Variants in MOS observed in about 807,000 individuals in gnomAD.
MOS encodes proto-oncogene serine/threonine-protein kinase mos.
For synonymous variants in MOS, 190 were observed against 205.2 expected (o/e 0.93, Z 0.63); for missense variants, 419 against 459.6 (o/e 0.91, Z 0.81).
chr8:56,113,639 T>C lies in MOS; in HGVS notation c.344A>G (p.Asp115Gly). ...GGCAGCCACCACGCGCACGATGTTA[T>C]CGTGGCGCAGCCTTGCTACGTTGAG... ...AELNVARLRH[D>G]NIVRVVAAST... Residue 115 changes from aspartate (D) to glycine (G), a missense_variant, in exon 1 of 1, where the codon GAT becomes GGT. Transcript: ENST00000311923. The surrounding 1 kb of genome is among the most constrained non-coding windows in gnomAD (Gnocchi z 5.7). 1 of 1,613,162 alleles carries C rather than the reference T, an allele frequency of 6.2e-7. No homozygotes were observed. The highest frequency in any genetic ancestry group is 8.5e-7 in the Non-Finnish European group (1 of 1,179,590).
In MOS at chr8:56,113,249, T is replaced by C. The variant is rs1337476030; in HGVS notation, c.734A>G (p.His245Arg). 2 of 1,613,666 alleles carry C rather than the reference T, an allele frequency of 1.2e-6. No individual in the cohort carries two copies. Among genetic ancestry groups the C allele is most frequent in the South Asian group, 2.2e-5 (2 of 91,082 alleles). ...TCCTTTCAGGAGCTCCGGGGCGCGGTGGGTGTATGTGCCTCCTAGAGGGTA... is the reference window on the plus strand; with the variant it reads ...TCCTTTCAGGAGCTCCGGGGCGCGGCGGGTGTATGTGCCTCCTAGAGGGTA... Reference protein sequence around the residue: ...PSYPLGGTYTHRAPELLKGEG... With the variant: ...PSYPLGGTYTRRAPELLKGEG... The change falls in exon 1 of 1, where the codon CAC (histidine) becomes CGC (arginine). Residue 245 changes from histidine (H) to arginine (R), a missense_variant. Coordinates refer to ENST00000311923, the MANE Select transcript of MOS (RefSeq NM_005372.1). The surrounding 1 kb of genome is among the most constrained non-coding windows in gnomAD (Gnocchi z 5.7).
Position 56,113,438 on chromosome 8 carries a change from G to A in MOS, c.545C>T (p.Ser182Leu). 2.5e-6 allele frequency: 4 copies of A among 1,614,102 alleles called. No homozygotes were observed. Among genetic ancestry groups the A allele is most frequent in the South Asian group, 1.1e-5 (1 of 91,078 alleles). Residue 182 changes from serine (S) to leucine (L), a missense_variant, in exon 1 of 1, where the codon TCA (serine) becomes TTA (leucine). Transcript: ENST00000311923. The surrounding 1 kb of genome is among the most constrained non-coding windows in gnomAD (Gnocchi z 5.7). Reference sequence around the variant, plus strand: ...GAGCAGGCCGTTCACAACATCTAGTGAGTACTTGAGACACTTTCCCAAACT... The same window carrying A: ...GAGCAGGCCGTTCACAACATCTAGTAAGTACTTGAGACACTTTCCCAAACT... Reference protein sequence around the residue: ...QLSLGKCLKYSLDVVNGLLFL... With the variant: ...QLSLGKCLKYLLDVVNGLLFL...
chr8:56,113,208 T>C lies in MOS; in HGVS notation c.775A>G (p.Lys259Glu). Reference sequence around the variant, plus strand: ...ATGGCAAAGGAATAAATGTCGGCTTTAGGCGTCACGCCCTCTCCTTTCAGG... The same window carrying C: ...ATGGCAAAGGAATAAATGTCGGCTTCAGGCGTCACGCCCTCTCCTTTCAGG... ...ELLKGEGVTP[K>E]ADIYSFAITL... Residue 259 changes from lysine to glutamate, a missense_variant, in exon 1 of 1, where the codon AAA becomes GAA. Physicochemically the swap from Lys to Glu is moderately conservative, Grantham distance 56. Transcript: ENST00000311923. This position sits in a 1 kb window ranked among gnomAD's most constrained non-coding sequence, Gnocchi z 5.7. 2 of 1,613,966 alleles carry C rather than the reference T, an allele frequency of 1.2e-6. No homozygotes were observed. The highest frequency in any genetic ancestry group is 1.7e-6 in the Non-Finnish European group (2 of 1,180,036).
rs1444910904 is a variant in MOS at position 56,113,853 on chromosome 8, G to A, written c.130C>T (p.Pro44Ser). The A allele has an allele frequency of 3.1e-6, 5 of 1,608,932 alleles. No individual in the cohort carries two copies. Among genetic ancestry groups the A allele is most frequent in the Non-Finnish European group, 4.2e-6 (5 of 1,178,890 alleles). ...CAGGCCAGCCGGCGCGGCAGCCGCG[G>A]GGCCCGAGGAAGAGTGGCCCCCAGA... is the stretch of plus-strand genomic sequence containing the variant. ...LLLGATLPRA[P>S]RLPRRLAWCS... The change falls in exon 1 of 1, where the codon CCG becomes TCG. Residue 44 changes from proline (P) to serine (S), a missense_variant. Coordinates refer to ENST00000311923, the MANE Select transcript of MOS (RefSeq NM_005372.1). The surrounding 1 kb of genome is among the most constrained non-coding windows in gnomAD (Gnocchi z 5.7).
Position 56,113,829 on chromosome 8 carries a change from A to G in MOS, c.154T>C (p.Trp52Arg). ...RAPRLPRRLA[W>R]CSIDWEQVCL... ...ACCTGCTCCCAGTCAATGGAGCACC[A>G]GGCCAGCCGGCGCGGCAGCCGCGGG... The change falls in exon 1 of 1, where the codon TGG becomes CGG. Residue 52 changes from tryptophan to arginine, a missense_variant. Physicochemically the swap from Trp to Arg is moderately radical, Grantham distance 101 (BLOSUM62 -3). Coordinates refer to ENST00000311923, the MANE Select transcript of MOS (RefSeq NM_005372.1). The surrounding 1 kb of genome is among the most constrained non-coding windows in gnomAD (Gnocchi z 5.7). 2 of 1,610,614 alleles carry G rather than the reference A, an allele frequency of 1.2e-6. No individual in the cohort carries two copies. Among genetic ancestry groups the G allele is most frequent in the Non-Finnish European group, 1.7e-6 (2 of 1,179,248 alleles).
Position 56,113,648 on chromosome 8 carries a change from A to G in MOS, c.335T>C (p.Leu112Pro), listed in dbSNP as rs1044569526. The G allele has an allele frequency of 1.3e-6, 2 of 1,589,364 alleles. No homozygotes were observed. The highest frequency in any genetic ancestry group is 1.7e-6 in the Non-Finnish European group (2 of 1,167,070). Reference sequence around the variant, plus strand: ...CACGCGCACGATGTTATCGTGGCGCAGCCTTGCTACGTTGAGCTCAGCCCA... The same window carrying G: ...CACGCGCACGATGTTATCGTGGCGCGGCCTTGCTACGTTGAGCTCAGCCCA... ...SFWAELNVAR[L>P]RHDNIVRVVA... is the part of the protein sequence containing the mutation. The change falls in exon 1 of 1, where the codon CTG (leucine) becomes CCG (proline). Residue 112 changes from leucine (L) to proline (P), a missense_variant. Transcript: ENST00000311923. This position sits in a 1 kb window ranked among gnomAD's most constrained non-coding sequence, Gnocchi z 5.7.
chr8:56,113,529 A>G lies in MOS; in HGVS notation c.454T>C (p.Tyr152His), dbSNP rs142291866. ...CCCTCAGGGTGGCCGGCGGCGCCAT[A>G]GATGACTTGGTGTAAAGTGACGTTG... ...GGNVTLHQVI[Y>H]GAAGHPEGDA... Residue 152 changes from tyrosine (Y) to histidine (H), a missense_variant, in exon 1 of 1, where the codon TAT becomes CAT. Tyr to His is a moderately conservative substitution (Grantham distance 83, BLOSUM62 2). Transcript: ENST00000311923. The surrounding 1 kb of genome is among the most constrained non-coding windows in gnomAD (Gnocchi z 5.7). 1.2e-6 allele frequency: 2 copies of G among 1,613,854 alleles called. No individual in the cohort carries two copies. The highest frequency in any genetic ancestry group is 2.7e-5 in the African/African-American group (2 of 74,900).
In MOS at chr8:56,113,524, G is replaced by T. The variant is rs757717531; in HGVS notation, c.459C>A (p.Gly153=). The T allele has an allele frequency of 1.2e-6, 2 of 1,613,956 alleles. No homozygotes were observed. The highest frequency in any genetic ancestry group is 2.2e-5 in the East Asian group (1 of 44,842). The change falls in exon 1 of 1, where the codon GGC becomes GGA. Residue 153 remains glycine (G), a synonymous_variant. Transcript: ENST00000311923. The surrounding 1 kb of genome is among the most constrained non-coding windows in gnomAD (Gnocchi z 5.7). The part of the protein sequence containing the change: ...GNVTLHQVIY[G]AAGHPEGDAG... ...CGTCCCCCTCAGGGTGGCCGGCGGC[G>T]CCATAGATGACTTGGTGTAAAGTGA...
At position 56,113,127 on chromosome 8, in the gene MOS, T is replaced by C. The variant is rs1357838605; in HGVS notation, c.856A>G (p.Ile286Val). The C allele has an allele frequency of 6.2e-7, 1 of 1,613,852 alleles. No individual in the cohort carries two copies. Among genetic ancestry groups the C allele is most frequent in the African/African-American group, 1.3e-5 (1 of 74,934 alleles). ...TCGTAGGCCACCACCGCGTACAGTA[T>C]GTGCTGCCGCTCCCCCGAATACGGC... ...QAPYSGERQH[I>V]LYAVVAYDLR... Residue 286 changes from isoleucine (I) to valine (V), a missense_variant, in exon 1 of 1, where the codon ATA becomes GTA. By Grantham distance (29) the Ile-to-Val change is conservative. Transcript: ENST00000311923. The surrounding 1 kb of genome is among the most constrained non-coding windows in gnomAD (Gnocchi z 5.7).
chr8:56,113,626 G>T lies in MOS; in HGVS notation c.357C>A (p.Arg119=). The T allele has an allele frequency of 2.8e-6, 4 of 1,420,714 alleles. No homozygotes were observed. Among genetic ancestry groups the T allele is most frequent in the Non-Finnish European group, 3.8e-6 (4 of 1,043,110 alleles). 88.0% of individuals were successfully genotyped at this position (1,420,714 alleles called of 1,614,324 possible). A position where few individuals can be genotyped will look rare whatever the true frequency, so the allele number is the denominator to read the frequency against. The change falls in exon 1 of 1, where the codon CGC becomes CGA. Residue 119 remains arginine (R), a synonymous_variant. Coordinates refer to ENST00000311923, the MANE Select transcript of MOS (RefSeq NM_005372.1). The surrounding 1 kb of genome is among the most constrained non-coding windows in gnomAD (Gnocchi z 5.7). ...VARLRHDNIV[R]VVAASTRTPA... is the part of the protein sequence containing the mutation. Reference sequence around the variant, plus strand: ...GCGTGCGCGTGCTGGCAGCCACCACGCGCACGATGTTATCGTGGCGCAGCC... The same window carrying T: ...GCGTGCGCGTGCTGGCAGCCACCACTCGCACGATGTTATCGTGGCGCAGCC...
Position 56,113,543 on chromosome 8 carries a change from A to G in MOS, c.440T>C (p.Leu147Ser). The G allele has an allele frequency of 6.2e-7, 1 of 1,613,918 alleles. No homozygotes were observed. Among genetic ancestry groups the G allele is most frequent in the East Asian group, 2.2e-5 (1 of 44,830 alleles). The part of the protein sequence containing the change: ...IIMEFGGNVT[L>S]HQVIYGAAGH... ...GGCGGCGCCATAGATGACTTGGTGTAAAGTGACGTTGCCACCGAACTCCAT... is the reference window on the plus strand; with the variant it reads ...GGCGGCGCCATAGATGACTTGGTGTGAAGTGACGTTGCCACCGAACTCCAT... The change falls in exon 1 of 1, where the codon TTA becomes TCA. Residue 147 changes from leucine (L) to serine (S), a missense_variant. By Grantham distance (145) the Leu-to-Ser change is moderately radical. Coordinates refer to ENST00000311923, the MANE Select transcript of MOS (RefSeq NM_005372.1). The surrounding 1 kb of genome is among the most constrained non-coding windows in gnomAD (Gnocchi z 5.7).
At position 56,113,878 on chromosome 8, in the gene MOS, A is replaced by C. The variant is rs1563358101; in HGVS notation, c.105T>G (p.Leu35=). Residue 35 remains leucine (L), a synonymous_variant, in exon 1 of 1, where the codon CTT becomes CTG. Coordinates refer to ENST00000311923, the MANE Select transcript of MOS (RefSeq NM_005372.1). The surrounding 1 kb of genome is among the most constrained non-coding windows in gnomAD (Gnocchi z 5.7). ...SSPSELPAKL[L]LGATLPRAPR... ...GGGCCCGAGGAAGAGTGGCCCCCAG[A>C]AGCAGCTTCGCAGGTAGCTCTGAGG... 2 of 1,600,238 alleles carry C rather than the reference A, an allele frequency of 1.2e-6. No individual in the cohort carries two copies. The highest frequency in any genetic ancestry group is 2.7e-5 in the African/African-American group (2 of 73,746).
Position 56,113,638 on chromosome 8 carries a change from A to G in MOS, c.345T>C (p.Asp115=). The change falls in exon 1 of 1, where the codon GAT becomes GAC. Residue 115 remains aspartate (D), a synonymous_variant. Transcript: ENST00000311923. This position sits in a 1 kb window ranked among gnomAD's most constrained non-coding sequence, Gnocchi z 5.7. ...AELNVARLRH[D]NIVRVVAAST... is the part of the protein sequence containing the mutation. ...TGGCAGCCACCACGCGCACGATGTT[A>G]TCGTGGCGCAGCCTTGCTACGTTGA... The G allele has an allele frequency of 1.3e-6, 2 of 1,599,844 alleles. No homozygotes were observed. Among genetic ancestry groups the G allele is most frequent in the South Asian group, 2.2e-5 (2 of 90,824 alleles).
Position 56,112,994 on chromosome 8 carries a change from C to G in MOS, c.989G>C (p.Ser330Thr). Residue 330 changes from serine (S) to threonine (T), a missense_variant, in exon 1 of 1, where the codon AGC (serine) becomes ACC (threonine). Physicochemically the swap from Ser to Thr is moderately conservative, Grantham distance 58. Coordinates refer to ENST00000311923, the MANE Select transcript of MOS (RefSeq NM_005372.1). ...GAGATCCACCAAAAGCAGCCGCGCG[C>G]TCGGCCTCTGCGCCGCGCTGGGTCT... is the stretch of plus-strand genomic sequence containing the variant. ...CWRPSAAQRP[S>T]ARLLLVDLTS... 1.3e-6 allele frequency: 2 copies of G among 1,577,724 alleles called. No homozygotes were observed. Among genetic ancestry groups the G allele is most frequent in the Non-Finnish European group, 1.7e-6 (2 of 1,163,382 alleles).
Position 56,113,096 on chromosome 8 carries a change from C to T in MOS, c.887G>A (p.Arg296His). The T allele has an allele frequency of 6.2e-7, 1 of 1,610,980 alleles. No individual in the cohort carries two copies. ...GAAGACGGCAGCGGAGAGGGACGGG[C>T]GCAGGTCGTAGGCCACCACCGCGTA... ...ILYAVVAYDL[R>H]PSLSAAVFED... The change falls in exon 1 of 1, where the codon CGC becomes CAC. Residue 296 changes from arginine (R) to histidine (H), a missense_variant. By Grantham distance (29) the Arg-to-His change is conservative. Transcript: ENST00000311923. The surrounding 1 kb of genome is among the most constrained non-coding windows in gnomAD (Gnocchi z 5.7).
In MOS at chr8:56,113,659, G is replaced by T. The variant is rs1481527760; in HGVS notation, c.324C>A (p.Asn108Lys). 6.2e-7 allele frequency: 1 copy of T among 1,612,002 alleles called. No homozygotes were observed. Among genetic ancestry groups the T allele is most frequent in the African/African-American group, 1.3e-5 (1 of 74,710 alleles). Residue 108 changes from asparagine (N) to lysine (K), a missense_variant, in exon 1 of 1, where the codon AAC becomes AAA. Transcript: ENST00000311923. The surrounding 1 kb of genome is among the most constrained non-coding windows in gnomAD (Gnocchi z 5.7). ...TGTTATCGTGGCGCAGCCTTGCTAC[G>T]TTGAGCTCAGCCCAGAAACTCCGCC... ...ASRRSFWAEL[N>K]VARLRHDNIV...
rs1451519517 is a variant in MOS, at chr8:56,112,969, G to A, written c.1014C>T (p.Leu338=). The change falls in exon 1 of 1, where the codon CTC becomes CTT. Residue 338 remains leucine (L), a synonymous_variant. Coordinates refer to ENST00000311923, the MANE Select transcript of MOS (RefSeq NM_005372.1). ...AGCCGAGTTCAGCTTTCAAAGAGGTGAGATCCACCAAAAGCAGCCGCGCGC... is the reference window on the plus strand; with the variant it reads ...AGCCGAGTTCAGCTTTCAAAGAGGTAAGATCCACCAAAAGCAGCCGCGCGC... ...RPSARLLLVD[L]TSLKAELG The A allele has an allele frequency of 1.3e-6, 2 of 1,566,958 alleles. No homozygotes were observed. Among genetic ancestry groups the A allele is most frequent in the Non-Finnish European group, 1.7e-6 (2 of 1,158,888 alleles).
chr8:56,113,546 G>A lies in MOS; in HGVS notation c.437C>T (p.Thr146Ile). ...GGCGCCATAGATGACTTGGTGTAAAGTGACGTTGCCACCGAACTCCATGAT... is the reference window on the plus strand; with the variant it reads ...GGCGCCATAGATGACTTGGTGTAAAATGACGTTGCCACCGAACTCCATGAT... ...TIIMEFGGNVTLHQVIYGAAG... is the reference protein window; with the variant it reads ...TIIMEFGGNVILHQVIYGAAG... The change falls in exon 1 of 1, where the codon ACT (threonine) becomes ATT (isoleucine). Residue 146 changes from threonine (T) to isoleucine (I), a missense_variant. By Grantham distance (89) the Thr-to-Ile change is moderately conservative. Coordinates refer to ENST00000311923, the MANE Select transcript of MOS (RefSeq NM_005372.1). The surrounding 1 kb of genome is among the most constrained non-coding windows in gnomAD (Gnocchi z 5.7). 6.2e-7 allele frequency: 1 copy of A among 1,613,950 alleles called. No homozygotes were observed. Among genetic ancestry groups the A allele is most frequent in the Non-Finnish European group, 8.5e-7 (1 of 1,179,982 alleles).
chr8:56,113,870 G>T lies in MOS; in HGVS notation c.113C>A (p.Ala38Asp), dbSNP rs1396226288. ...CAGCCGCGGGGCCCGAGGAAGAGTG[G>T]CCCCCAGAAGCAGCTTCGCAGGTAG... ...SELPAKLLLG[A>D]TLPRAPRLPR... The change falls in exon 1 of 1, where the codon GCC becomes GAC. Residue 38 changes from alanine to aspartate, a missense_variant. Physicochemically the swap from Ala to Asp is moderately radical, Grantham distance 126. Coordinates refer to ENST00000311923, the MANE Select transcript of MOS (RefSeq NM_005372.1). The surrounding 1 kb of genome is among the most constrained non-coding windows in gnomAD (Gnocchi z 5.7). 13 of 1,601,060 alleles carry T rather than the reference G, an allele frequency of 8.1e-6. No individual in the cohort carries two copies. Among genetic ancestry groups the T allele is most frequent in the Non-Finnish European group, 1.1e-5 (13 of 1,177,078 alleles).
Sources: allele counts gnomAD v4.1 joint callset, GRCh38; gene constraint gnomAD v4.1.1; non-coding constraint Gnocchi (gnomAD v3.1); transcripts MANE v1.5; gene names NCBI Gene and HGNC (gene_info 2026-07-23, HGNC 2026-07-21).